ANO6: variants seen among roughly 807,000 people sequenced by gnomAD.
ANO6 encodes anoctamin 6.
Under a neutral mutation model 117.5 loss-of-function variants are expected in ANO6, and 106 were observed. That is an observed-to-expected ratio of 0.90 (90% CI 0.77 to 1.06). The LOEUF (loss-of-function observed/expected upper bound fraction) is 1.06, where lower values mean the gene tolerates loss of function less well. Among genes scored for constraint, ANO6 ranks in the 50% least tolerant of loss-of-function variants. ANO6 has a pLI of 0.00. For missense variants in ANO6, 955 were observed against 1,121.1 expected, an observed-to-expected ratio of 0.85 and a Z score of 2.12; for synonymous variants, 367 against 385.1, an observed-to-expected ratio of 0.95 and a Z score of 0.55.
chr12:45,403,027 C>A, intron 13 of ANO6, 45 bp from the exon 14 acceptor site: 1 of 1,566,088 alleles, frequency 6.4e-7, no homozygotes. Flanking sequence ...AGTCTCAAAG[C>A]TGTTCACAAT....
At chr12:45,328,500 A>C (rs1366535160) in intron 2 of ANO6, among the ~76,000 whole-genome samples, 1 of 152,124 alleles carries the variant, frequency 6.6e-6, no homozygotes, top group East Asian at 1.9e-4. Context: ...CGTTCTACTT[A>C]TTACTCATGC....
chr12:45,305,872 A>G (rs1042313798), intron 2 of ANO6, among the ~76,000 whole-genome samples: 1 of 152,026 alleles, frequency 6.6e-6, no homozygotes, highest in Non-Finnish European at 1.5e-5. Context: ...TGGCGGGCCC[A>G]TTAGACCCCA....
chr12:45,418,692 T>G (rs1430314118), intron 17 of ANO6, among the ~76,000 whole-genome samples: 1 of 152,224 alleles, frequency 6.6e-6, no homozygotes, highest in Non-Finnish European at 1.5e-5. Flanking sequence ...CTCTACTCCA[T>G]GAGCACAGAT....
chr12:45,279,945 C>A (rs1938668929), intron 1 of ANO6, among the ~76,000 whole-genome samples: 1 of 152,186 alleles, frequency 6.6e-6, no homozygotes, highest in Non-Finnish European at 1.5e-5. Flanking sequence ...ATTTCATGAA[C>A]AAGAGCTGTT....
At chr12:45,367,262 A>T (rs997326968) in intron 8 of ANO6, among the ~76,000 whole-genome samples, 20 of 152,202 alleles carry the variant, frequency 1.3e-4, no homozygotes, top group African/African-American at 4.8e-4. Context: ...GATTACAGGC[A>T]TGAGCCACTG....
intron 1 of ANO6, among the ~76,000 whole-genome samples, chr12:45,267,946 A>G (rs1938273974): frequency 6.6e-6 from 1 of 152,228 alleles, no homozygotes; most frequent in Admixed American, 6.5e-5. Context: ...TGAAGGGTAT[A>G]AAAGAAAAAT....
At chr12:45,320,458 A>G (rs1592960830) in intron 2 of ANO6, among the ~76,000 whole-genome samples, 1 of 151,912 alleles carries the variant, frequency 6.6e-6, no homozygotes, top group African/African-American at 2.4e-5. Context: ...CTGAGTTCTA[A>G]TTTGATTGCA....
intron 1 of ANO6, among the ~76,000 whole-genome samples, chr12:45,258,116 C>T (rs1937899708): frequency 6.6e-6 from 1 of 152,180 alleles, no homozygotes; most frequent in Non-Finnish European, 1.5e-5. Flanking sequence ...ACATATTAAT[C>T]AGTCGTGTGG....
chr12:45,348,444 T>TA, intron 5 of ANO6, 74 bp from the exon 6 acceptor site: 1 of 1,545,242 alleles, frequency 6.5e-7, no homozygotes, highest in Non-Finnish European at 8.9e-7. Context: ...AGATTTGTGT[T>TA]ACAGTAGTAA....
chr12:45,217,508 AGAG>A (rs1431110481), intron 1 of ANO6, among the ~76,000 whole-genome samples: 1 of 152,262 alleles, frequency 6.6e-6, no homozygotes, highest in African/African-American at 2.4e-5. Flanking sequence ...CAAATCGAAT[AGAG>A]GAGATTACAC....
intron 10 of ANO6, among the ~76,000 whole-genome samples, chr12:45,387,748 T>C (rs1942336639): frequency 6.6e-6 from 1 of 152,206 alleles, no homozygotes; most frequent in South Asian, 2.1e-4. Flanking sequence ...CCAAATCTCA[T>C]GTCGAATTAT....
chr12:45,301,556 G>T (rs1939488732), intron 1 of ANO6, among the ~76,000 whole-genome samples: 1 of 151,704 alleles, frequency 6.6e-6, no homozygotes, highest in Non-Finnish European at 1.5e-5. Context: ...GGTCGAGGCT[G>T]CAGTGAGCTG....
At chr12:45,279,364 A>G (rs2137250748) in intron 1 of ANO6, among the ~76,000 whole-genome samples, 1 of 152,224 alleles carries the variant, frequency 6.6e-6, no homozygotes, top group Admixed American at 6.5e-5. Flanking sequence ...GCCTAACACA[A>G]TGTCTCCCCA....
At chr12:45,236,491 T>G (rs1332104305) in intron 1 of ANO6, among the ~76,000 whole-genome samples, 1 of 152,220 alleles carries the variant, frequency 6.6e-6, no homozygotes, top group Non-Finnish European at 1.5e-5. Context: ...TGGTTTTCTG[T>G]CCTTGTGATA....
intron 4 of ANO6, chr12:45,347,312 A>G (rs1448224437): frequency 1.3e-5 from 6 of 477,306 alleles, no homozygotes; most frequent in African/African-American, 1.9e-5. Context: ...CAATGAATGC[A>G]TGTATGAATG....
At chr12:45,264,644 G>A (rs1938155713) in intron 1 of ANO6, among the ~76,000 whole-genome samples, 1 of 152,024 alleles carries the variant, frequency 6.6e-6, no homozygotes, top group Non-Finnish European at 1.5e-5. Context: ...ATGGTTAGTT[G>A]GTGAAACCTG....
In ANO6 at chr12:45,432,008, A is replaced by C. The variant is rs551099264; in HGVS notation, c.*2697A>C. 30 of 985,320 alleles carry C rather than the reference A, an allele frequency of 3.0e-5. No individual in the cohort carries two copies. Among genetic ancestry groups the C allele is most frequent in the Middle Eastern group, 5.2e-4 (1 of 1,936 alleles). The allele number at this position is 985,320 out of a possible 1,614,324, so 61.0% of individuals were successfully genotyped here. Reference sequence around the variant, plus strand: ...TTTTAAAACTAAACAAGGCCATCTTATAAACTGTCACCAAAGTCTTCCCTT... The same window carrying C: ...TTTTAAAACTAAACAAGGCCATCTTCTAAACTGTCACCAAAGTCTTCCCTT... On this transcript the variant is annotated 3_prime_UTR_variant, in exon 20 of 20. Transcript: ENST00000320560.
chr12:45,424,337 T>G (rs904345795), intron 19 of ANO6, among the ~76,000 whole-genome samples: 20 of 123,028 alleles, frequency 1.6e-4, no homozygotes, highest in East Asian at 5.9e-4. Context: ...GTTTTTTTTT[T>G]TTTTTTTTTT....
intron 1 of ANO6, among the ~76,000 whole-genome samples, chr12:45,288,784 G>A (rs1056651553): frequency 3.3e-5 from 5 of 152,104 alleles, no homozygotes; most frequent in Non-Finnish European, 7.4e-5. Context: ...GTCTCACTCT[G>A]TCGCCCAGGC....
Sources: allele counts gnomAD v4.1 joint callset (sites outside exome capture counted in the v4.1 genomes callset), GRCh38; gene constraint gnomAD v4.1.1; transcripts MANE v1.5; gene names NCBI Gene and HGNC (gene_info 2026-07-23, HGNC 2026-07-21).